OR2L13: variants seen among roughly 807,000 people sequenced by gnomAD.
OR2L13 encodes the protein olfactory receptor family 2 subfamily L member 13.
Under a neutral mutation model 15.3 loss-of-function variants are expected in OR2L13, and 14 were observed. The ratio of observed to expected loss-of-function variants is 0.91; its 90% CI spans 0.60 to 1.43. The LOEUF (loss-of-function observed/expected upper bound fraction) is 1.43. OR2L13 is among the 40% of genes most tolerant of loss of function. The pLI is 0.00. For missense variants in OR2L13, 367 were observed against 387.9 expected, an observed-to-expected ratio of 0.95 and a Z score of 0.45; for synonymous variants, 152 against 142.9, an observed-to-expected ratio of 1.06 and a Z score of -0.45.
At chr1:248,038,281 A>G in the OR2L13 span, 5 of 1,607,750 alleles carry the variant, frequency 3.1e-6, no homozygotes, top group African/African-American at 5.4e-5. Flanking sequence ...GAAAATTACA[A>G]TCAAACATCA....
chr1:248,004,534 T>A, the OR2L13 span, among the ~76,000 whole-genome samples: 11 of 152,234 alleles, frequency 7.2e-5, no homozygotes, highest in African/African-American at 2.4e-4. Flanking sequence ...CCAGTTACTG[T>A]TTCTTTCAAC....
At chr1:247,938,684 A>G in the OR2L13 span, among the ~76,000 whole-genome samples, 7 of 152,188 alleles carry the variant, frequency 4.6e-5, no homozygotes, top group Non-Finnish European at 1.0e-4. Flanking sequence ...ACACACACAC[A>G]TATATTTTTC....
chr1:247,986,198 C>G, the OR2L13 span, among the ~76,000 whole-genome samples: 1 of 151,504 alleles, frequency 6.6e-6, no homozygotes, highest in Admixed American at 6.6e-5. Context: ...CCTATGTGTC[C>G]TGAATGGTAT....
At chr1:248,047,130 G>A in the OR2L13 span, among the ~76,000 whole-genome samples, 2 of 152,116 alleles carry the variant, frequency 1.3e-5, no homozygotes, top group African/African-American at 4.8e-5. Flanking sequence ...TGAAGAGACA[G>A]GGATACATTA....
chr1:247,988,872 G>A, the OR2L13 span, among the ~76,000 whole-genome samples: 1 of 151,976 alleles, frequency 6.6e-6, no homozygotes, highest in Non-Finnish European at 1.5e-5. Context: ...CTTCCCTAAT[G>A]CTTAGATTAC....
the OR2L13 span, among the ~76,000 whole-genome samples, chr1:247,977,712 CG>C: frequency 1.3e-5 from 2 of 152,228 alleles, no homozygotes; most frequent in South Asian, 4.2e-4. Context: ...TCCTAACTAC[CG>C]TTAATTGTTT....
the OR2L13 span, among the ~76,000 whole-genome samples, chr1:248,073,927 AT>A: frequency 1.3e-5 from 2 of 151,908 alleles, no homozygotes; most frequent in Admixed American, 6.6e-5. Context: ...GAAGTATATA[AT>A]TTTTTTGTAG....
the OR2L13 span, among the ~76,000 whole-genome samples, chr1:248,037,834 T>C: frequency 2.6e-5 from 4 of 152,196 alleles, no homozygotes; most frequent in Non-Finnish European, 4.4e-5. Flanking sequence ...AAATTTTCAA[T>C]TGGTTTTCAG....
At chr1:247,960,537 G>GGTGGAGTTT in the OR2L13 span, among the ~76,000 whole-genome samples, 5 of 152,180 alleles carry the variant, frequency 3.3e-5, no homozygotes, top group Non-Finnish European at 7.3e-5. Context: ...TGCCCCCAGA[G>GGTGGAGTTT]GTGGAGTTTA....
At chr1:248,062,051 T>C in the OR2L13 span, 13 of 160,172 alleles carry the variant, frequency 8.1e-5, no homozygotes, top group Admixed American at 4.1e-4. Context: ...AGTTGAAAGC[T>C]GTAAGATGTT....
At chr1:248,067,781 C>G in the OR2L13 span, among the ~76,000 whole-genome samples, 6 of 152,196 alleles carry the variant, frequency 3.9e-5, no homozygotes, top group Admixed American at 2.6e-4. Context: ...AAAATCGGGC[C>G]ACTCCCACCC....
chr1:247,993,817 AAGAG>A, the OR2L13 span, among the ~76,000 whole-genome samples: 32 of 75,676 alleles, frequency 4.2e-4, no homozygotes, highest in Non-Finnish European at 8.3e-4. Context: ...GAGAGAAAGA[AAGAG>A]AAAGAAAGAG....
chr1:247,958,216 G>A, the OR2L13 span, among the ~76,000 whole-genome samples: 1 of 152,160 alleles, frequency 6.6e-6, no homozygotes, highest in African/African-American at 2.4e-5. Context: ...AGTCATTCAG[G>A]AGCAGGATGT....
chr1:247,953,415 T>C, the OR2L13 span, among the ~76,000 whole-genome samples: 2 of 152,196 alleles, frequency 1.3e-5, no homozygotes, highest in Admixed American at 1.3e-4. Context: ...TCTGTGCATT[T>C]AGAGATTTCT....
the OR2L13 span, chr1:247,975,139 C>G: frequency 2.5e-6 from 1 of 393,846 alleles, no homozygotes; most frequent in Non-Finnish European, 5.1e-6. Context: ...ACTATCCCAT[C>G]CATATGAGCA....
the OR2L13 span, among the ~76,000 whole-genome samples, chr1:247,984,815 C>T: frequency 1.4e-3 from 211 of 152,036 alleles, no homozygotes; most frequent in Middle Eastern, 3.4e-3. Flanking sequence ...GTGCAACCAT[C>T]CCCACCATGC....
chr1:247,961,203 C>T, the OR2L13 span, among the ~76,000 whole-genome samples: 1 of 152,108 alleles, frequency 6.6e-6, no homozygotes, highest in Non-Finnish European at 1.5e-5. Flanking sequence ...GCACAATGCC[C>T]AATATGAGCC....
the OR2L13 span, among the ~76,000 whole-genome samples, chr1:247,977,409 A>C: frequency 1.3e-5 from 2 of 152,184 alleles, no homozygotes; most frequent in African/African-American, 4.8e-5. Flanking sequence ...ATATATATCT[A>C]CTTATGAAGA....
At chr1:247,981,067 C>A in the OR2L13 span, 6 of 152,140 alleles carry the variant, frequency 3.9e-5, no homozygotes, top group African/African-American at 1.2e-4. Flanking sequence ...TTTCTGTTAA[C>A]AAAATTCAGC....
Sources: gnomAD v4.1 joint callset for allele counts (sites outside exome capture counted in the v4.1 genomes callset) on GRCh38, gnomAD v4.1.1 for gene constraint, MANE v1.5 for transcripts, NCBI Gene and HGNC (gene_info 2026-07-23, HGNC 2026-07-21) for gene names.